TMEM38B: variants seen among roughly 807,000 people sequenced by gnomAD.
The protein encoded by TMEM38B is trimeric intracellular cation channel type B.
TMEM38B carries 24 observed loss-of-function variants against 28.7 expected under a neutral mutation model. The ratio of observed to expected loss-of-function variants is 0.84; its 90% CI spans 0.61 to 1.18. TMEM38B has a LOEUF of 1.18. TMEM38B is among the 50% of genes most tolerant of loss of function. The pLI, the probability that TMEM38B is intolerant of heterozygous loss-of-function variation, is 0.00. For synonymous variants in TMEM38B, 131 were observed against 127.7 expected (o/e 1.03, Z -0.17); for missense variants, 380 against 350.9 (o/e 1.08, Z -0.66).
Position 105,748,097 on chromosome 9 carries a change from G to T in TMEM38B, c.567G>T (p.Gly189=). The T allele has an allele frequency of 6.2e-7, 1 of 1,613,378 alleles. No homozygotes were observed. Among genetic ancestry groups the T allele is most frequent in the South Asian group, 1.1e-5 (1 of 91,030 alleles). The change falls in exon 5 of 6, where the codon GGG becomes GGT. Residue 189 remains glycine, a synonymous_variant. Coordinates refer to ENST00000374692, the MANE Select transcript of TMEM38B (RefSeq NM_018112.3). ...MSYPAKVTLL[G]SVIFTFQHTQ... is the part of the protein sequence containing the mutation. ...GCCCTGCCAAGGTAACCCTGCTGGG[G>T]TCAGTTATCTTCACATTCCAGCACA...
chr9:105,769,755 G>C (rs1014379702), intron 5 of TMEM38B, among the ~76,000 whole-genome samples: 1 of 152,090 alleles, frequency 6.6e-6, no homozygotes, highest in Admixed American at 6.6e-5. Context: ...AAACCATGTT[G>C]ATATTTTTAT....
At chr9:105,704,372 T>A (rs944750934) in intron 1 of TMEM38B, among the ~76,000 whole-genome samples, 16 of 151,516 alleles carry the variant, frequency 1.1e-4, no homozygotes, top group Non-Finnish European at 2.2e-4. Flanking sequence ...ACTCCAGCCT[T>A]GGCAACAGAG....
At chr9:105,716,372 A>G (rs1836096312) in intron 2 of TMEM38B, among the ~76,000 whole-genome samples, 1 of 91,246 alleles carries the variant, frequency 1.1e-5, no homozygotes, top group South Asian at 3.3e-4. Context: ...CAGTTGTAGC[A>G]TTTGTGTGTG....
chr9:105,730,572 G>A (rs995491712), intron 4 of TMEM38B, among the ~76,000 whole-genome samples: 17 of 152,136 alleles, frequency 1.1e-4, no homozygotes, highest in African/African-American at 3.9e-4. Context: ...GGATGATGCT[G>A]GCCTCATAAA....
At chr9:105,744,601 T>C (rs1012820977) in intron 4 of TMEM38B, among the ~76,000 whole-genome samples, 1 of 152,020 alleles carries the variant, frequency 6.6e-6, no homozygotes, top group African/African-American at 2.4e-5. Context: ...TATTTTTTAT[T>C]TTACTTTAAG....
chr9:105,721,508 A>G (rs758278401), intron 2 of TMEM38B, 29 bp from the exon 3 acceptor site: 10 of 1,470,734 alleles, frequency 6.8e-6, no homozygotes, highest in Non-Finnish European at 7.3e-6. Context: ...TTCCATTAAT[A>G]TATTAAAATG....
chr9:105,719,396 GT>G (rs1836238120), intron 2 of TMEM38B, among the ~76,000 whole-genome samples: 2 of 152,232 alleles, frequency 1.3e-5, no homozygotes, highest in East Asian at 3.9e-4. Flanking sequence ...GTGAAATTAT[GT>G]TTACAGAAGG....
chr9:105,739,619 G>A (rs1259151546), intron 4 of TMEM38B, among the ~76,000 whole-genome samples: 1 of 151,980 alleles, frequency 6.6e-6, no homozygotes, highest in African/African-American at 2.4e-5. Flanking sequence ...CTGCCTCCTG[G>A]GTTCAAGTGA....
At chr9:105,737,653 G>A (rs1837037309) in intron 4 of TMEM38B, among the ~76,000 whole-genome samples, 1 of 152,168 alleles carries the variant, frequency 6.6e-6, no homozygotes, top group Non-Finnish European at 1.5e-5. Flanking sequence ...GGAAGACAGG[G>A]TGGTTCAGCT....
chr9:105,742,106 A>G (rs1837227685), intron 4 of TMEM38B, among the ~76,000 whole-genome samples: 1 of 143,814 alleles, frequency 7.0e-6, no homozygotes, highest in Admixed American at 6.8e-5. Flanking sequence ...CTGAAAGGAG[A>G]AAGACAGGAT....
At chr9:105,711,987 G>A (rs918568476) in intron 2 of TMEM38B, among the ~76,000 whole-genome samples, 4 of 151,800 alleles carry the variant, frequency 2.6e-5, no homozygotes, top group African/African-American at 9.7e-5. Context: ...AGTGGCTCTC[G>A]GCTCACTGCA....
chr9:105,748,199 T>C lies in TMEM38B; in HGVS notation c.660+9T>C. The C allele has an allele frequency of 6.4e-7, 1 of 1,566,976 alleles. No individual in the cohort carries two copies. ...TTATTGTGGCCACAAAGGTAAGAAT[T>C]CAAAGTACCTATAATTATTACAAAT... On this transcript the variant is annotated intron_variant, in intron 5 of 5. Coordinates refer to ENST00000374692, the MANE Select transcript of TMEM38B (RefSeq NM_018112.3).
intron 4 of TMEM38B, among the ~76,000 whole-genome samples, chr9:105,736,369 C>T (rs1446488885): frequency 6.6e-6 from 1 of 151,868 alleles, no homozygotes; most frequent in African/African-American, 2.4e-5. Flanking sequence ...CTTTTTTCTA[C>T]TTTTCTAATC....
chr9:105,747,990 A>C, intron 4 of TMEM38B, 83 bp from the exon 5 acceptor site: 7 of 863,970 alleles, frequency 8.1e-6, no homozygotes, highest in Non-Finnish European at 1.3e-5. Context: ...CCATTAAGTT[A>C]ATGTTTTGCA....
Position 105,773,931 on chromosome 9 carries a change from A to G in TMEM38B, c.727A>G (p.Met243Val). ...FAPFEDTLSW[M>V]LFGWQQPFSS... is the part of the protein sequence containing the mutation. ...TCCTTTTGAGGATACATTGAGTTGGATGCTATTTGGCTGGCAGCAGCCGTT... is the reference window on the plus strand; with the variant it reads ...TCCTTTTGAGGATACATTGAGTTGGGTGCTATTTGGCTGGCAGCAGCCGTT... Residue 243 changes from methionine to valine, a missense_variant, in exon 6 of 6, where the codon ATG becomes GTG. Met to Val is a conservative substitution (Grantham distance 21, BLOSUM62 1). Transcript: ENST00000374692. 2 of 1,613,802 alleles carry G rather than the reference A, an allele frequency of 1.2e-6. No individual in the cohort carries two copies. The highest frequency in any genetic ancestry group is 1.7e-6 in the Non-Finnish European group (2 of 1,179,778).
intron 5 of TMEM38B, among the ~76,000 whole-genome samples, chr9:105,748,884 A>G (rs1837537756): frequency 6.6e-6 from 1 of 152,216 alleles, no homozygotes; most frequent in African/African-American, 2.4e-5. Flanking sequence ...CCCTATTCGC[A>G]AGTAGACAAT....
At chr9:105,705,902 G>GTT (rs370270920) in intron 2 of TMEM38B, 149 bp downstream of exon 2, 4,178 of 487,122 alleles carry the variant, frequency 8.6e-3, no homozygotes, top group Middle Eastern at 0.012. Flanking sequence ...ATGCTAAGGG[G>GTT]TTTTTTTTTT....
intron 4 of TMEM38B, among the ~76,000 whole-genome samples, chr9:105,732,876 CTG>C (rs1163751653): frequency 3.3e-5 from 5 of 152,106 alleles, no homozygotes; most frequent in Admixed American, 2.0e-4. Flanking sequence ...GGGGATGACA[CTG>C]AATCTATAAA....
rs1258467454 is a variant in TMEM38B, at chr9:105,729,241, T to C, written c.542+6620T>C. On this transcript the variant is annotated intron_variant, in intron 4 of 5. Transcript: ENST00000374692. ...CTAACATTTCAGTCTTTAATCCATC[T>C]TGAATTAATTTTTGTATAAGGTGTA... 2.0e-5 allele frequency among the ~76,000 whole-genome samples: 3 copies of C among 152,356 alleles called. No homozygotes were observed. In the East Asian group the frequency reaches 5.8e-4, roughly 29 times the overall value.
Sources: allele counts gnomAD v4.1 joint callset (sites outside exome capture counted in the v4.1 genomes callset), GRCh38; gene constraint gnomAD v4.1.1; transcripts MANE v1.5; gene names NCBI Gene and HGNC (gene_info 2026-07-23, HGNC 2026-07-21).